CERCAM: variants seen among roughly 807,000 people sequenced by gnomAD.
The protein encoded by CERCAM is cerebral endothelial cell adhesion molecule.
CERCAM carries 59 observed loss-of-function variants against 66.0 expected under a neutral mutation model. That is an observed-to-expected ratio of 0.89 (90% CI 0.73 to 1.11). CERCAM has a LOEUF of 1.11. Ranked by LOEUF, CERCAM falls within the 50% of genes most tolerant of loss-of-function variation. The probability of loss-of-function intolerance (pLI) is 0.00; values close to 1 mark genes in which losing one functional copy is unlikely to be tolerated. For missense variants in CERCAM, 840 were observed against 828.3 expected (o/e 1.01, Z -0.17); for synonymous variants, 318 against 343.6 (o/e 0.93, Z 0.83).
At position 128,428,640 on chromosome 9, in the gene CERCAM, C is replaced by T. The variant is rs545327830; in HGVS notation, c.887-117C>T. 1.2e-4 allele frequency: 149 copies of T among 1,229,240 alleles called. 2 individuals carry two copies. The South Asian group carries it at 1.4e-3, about 12-fold the overall frequency. The allele number at this position is 1,229,240 out of a possible 1,614,324, so 76.1% of individuals were successfully genotyped here. A position where few individuals can be genotyped will look rare whatever the true frequency, so the allele number is the denominator to read the frequency against. ...GTGGATCCTGTGATCTCTGAGGTCCCGTCCTGTGGGGTGTTCTGCCAAAGG... is the reference window on the plus strand; with the variant it reads ...GTGGATCCTGTGATCTCTGAGGTCCTGTCCTGTGGGGTGTTCTGCCAAAGG... On this transcript the variant is annotated intron_variant, in intron 6 of 12. Transcript: ENST00000372838.
Position 128,434,734 on chromosome 9 carries a change from C to T in CERCAM, c.1535+121C>T. The T allele has an allele frequency of 2.1e-6, 2 of 954,322 alleles. No homozygotes were observed. Among genetic ancestry groups the T allele is most frequent in the Non-Finnish European group, 3.1e-6 (2 of 644,952 alleles). The allele number at this position is 954,322 out of a possible 1,614,324, so 59.1% of individuals were successfully genotyped here. ...GGAGACTGGGACTGGCAAGGCCAAG[C>T]CACTTGGCCCAGGTCACCAAGGAGT... On this transcript the variant is annotated intron_variant, in intron 11 of 12. Coordinates refer to ENST00000372838, the MANE Select transcript of CERCAM (RefSeq NM_016174.5). This position sits in a 1 kb window ranked among gnomAD's most constrained non-coding sequence, Gnocchi z 4.5.
rs1042392790 is a variant in CERCAM, at chr9:128,434,537, C to G, written c.1459C>G (p.Leu487Val). Residue 487 changes from leucine (L) to valine (V), a missense_variant, in exon 11 of 13, where the codon CTG becomes GTG. Leu to Val is a conservative substitution (Grantham distance 32, BLOSUM62 1). Coordinates refer to ENST00000372838, the MANE Select transcript of CERCAM (RefSeq NM_016174.5). This position sits in a 1 kb window ranked among gnomAD's most constrained non-coding sequence, Gnocchi z 4.5. ...CCTGCGTCTGGCGGGTGCCCGCAAG[C>G]TGCTGGCCTCACAGCCTCTGCGCCG... is the stretch of plus-strand genomic sequence containing the variant. The part of the protein sequence containing the change: ...YALRLAGARK[L>V]LASQPLRRML... The G allele has an allele frequency of 3.1e-6, 5 of 1,612,476 alleles. No homozygotes were observed. Among genetic ancestry groups the G allele is most frequent in the Non-Finnish European group, 4.2e-6 (5 of 1,179,984 alleles).
At chr9:128,425,469 C>T (rs971928573) in intron 5 of CERCAM, among the ~76,000 whole-genome samples, 7 of 151,388 alleles carry the variant, frequency 4.6e-5, no homozygotes, top group East Asian at 1.9e-4. Context: ...CTCAGGAGTT[C>T]GAGACCAGCC....
At position 128,421,012 on chromosome 9, in the gene CERCAM, G is replaced by A. The variant is rs1267194152; in HGVS notation, c.135G>A (p.Ser45=). 3 of 1,456,408 alleles carry A rather than the reference G, an allele frequency of 2.1e-6. No individual in the cohort carries two copies. The highest frequency in any genetic ancestry group is 2.7e-6 in the Non-Finnish European group (3 of 1,103,610). The allele number at this position is 1,456,408 out of a possible 1,614,324, so 90.2% of individuals were successfully genotyped here. The change falls in exon 1 of 13, where the codon TCG becomes TCA. Residue 45 remains serine, a synonymous_variant. Transcript: ENST00000372838. ...TCCTGGCCCGCAATGCCGAACACTC[G>A]CTGCCCCACTACCTGGGCGCTCTGG... The part of the protein sequence containing the change: ...LAILARNAEH[S]LPHYLGALER...
At chr9:128,433,976 G>A in intron 9 of CERCAM, 126 bp from the exon 10 acceptor site, 2 of 1,308,958 alleles carry the variant, frequency 1.5e-6, no homozygotes, top group Non-Finnish European at 2.1e-6. Flanking sequence ...CCCCCAGCAG[G>A]CTTTGGGGCA....
rs1279307328 is a variant in CERCAM, at chr9:128,429,007, T to C, written c.1041T>C (p.Ser347=). 3.1e-6 allele frequency: 5 copies of C among 1,610,390 alleles called. No homozygotes were observed. The highest frequency in any genetic ancestry group is 1.1e-5 in the South Asian group (1 of 90,622). The change falls in exon 8 of 13, where the codon TCT becomes TCC. Residue 347 remains serine, a synonymous_variant. Transcript: ENST00000372838. ...CCTCGCTCTGGGAGATGGAGATCTC[T>C]GGGAGGGTGGTGGACGCTGTGGATG... ...MLASLWEMEI[S]GRVVDAVDGW... is the part of the protein sequence containing the mutation.
intron 3 of CERCAM, among the ~76,000 whole-genome samples, chr9:128,423,494 G>A (rs1164071634): frequency 1.3e-5 from 2 of 151,980 alleles, no homozygotes; most frequent in Admixed American, 1.3e-4. Flanking sequence ...GCAGGCGCCT[G>A]TAATTCCAGC....
chr9:128,430,347 A>AGCC (rs1833946472), intron 8 of CERCAM, among the ~76,000 whole-genome samples: 1 of 152,132 alleles, frequency 6.6e-6, no homozygotes. Context: ...GGTTGCAGTG[A>AGCC]GCCGAGATTG....
At chr9:128,421,299 C>A (rs2131323943) in intron 1 of CERCAM, 8 of 1,227,160 alleles carry the variant, frequency 6.5e-6, no homozygotes, top group South Asian at 4.2e-5. Flanking sequence ...GGACACCCAC[C>A]CCTCCTTCTG....
At chr9:128,421,369 T>C in intron 1 of CERCAM, 2 of 1,155,332 alleles carry the variant, frequency 1.7e-6, no homozygotes, top group Admixed American at 4.7e-5. Flanking sequence ...AGCCAGCCCT[T>C]TTCACCCCAG....
Position 128,436,155 on chromosome 9 carries a change from A to C in CERCAM, c.*250A>C, listed in dbSNP as rs182528783. 1.3e-3 allele frequency among the ~76,000 whole-genome samples: 192 copies of C among 150,774 alleles called. 1 individual carries two copies. The highest frequency in any genetic ancestry group is 2.4e-3 in the Non-Finnish European group (164 of 67,792). On this transcript the variant is annotated intron_variant, in intron 12 of 12. Transcript: ENST00000372838. ...ACTGCAACCTCTGCCTCTCGGGCTC[A>C]AGAGATTCTCCTGCCTCAGCCTCCC...
At chr9:128,429,338 G>A (rs1434688659) in intron 8 of CERCAM, among the ~76,000 whole-genome samples, 2 of 152,120 alleles carry the variant, frequency 1.3e-5, no homozygotes, top group Non-Finnish European at 2.9e-5. Flanking sequence ...CTCTCAGCCC[G>A]TTTGTATAAA....
Position 128,434,254 on chromosome 9 carries a change from C to G in CERCAM, c.1331+25C>G. On this transcript the variant is annotated intron_variant, in intron 10 of 12. Coordinates refer to ENST00000372838, the MANE Select transcript of CERCAM (RefSeq NM_016174.5). The surrounding 1 kb of genome is among the most constrained non-coding windows in gnomAD (Gnocchi z 4.5). ...TGTAGGCAGCCTGCACCCTCAGGGA[C>G]AAGGGGGCAGGGTGGGCCTCCGGAG... 1 of 1,613,318 alleles carries G rather than the reference C, an allele frequency of 6.2e-7. No homozygotes were observed. The highest frequency in any genetic ancestry group is 8.5e-7 in the Non-Finnish European group (1 of 1,179,562).
rs752201881 is a variant in CERCAM, at chr9:128,424,563, A to G, written c.715A>G (p.Thr239Ala). Residue 239 changes from threonine to alanine, a missense_variant, in exon 5 of 13, where the codon ACT (threonine) becomes GCT (alanine). Coordinates refer to ENST00000372838, the MANE Select transcript of CERCAM (RefSeq NM_016174.5). ...TTTCTACCCGCCACATCCCAACTACACTTGGCCTTTCGACGACATCATCGT... is the reference window on the plus strand; with the variant it reads ...TTTCTACCCGCCACATCCCAACTACGCTTGGCCTTTCGACGACATCATCGT... ...LAFYPPHPNY[T>A]WPFDDIIVFA... 1.9e-6 allele frequency: 3 copies of G among 1,613,992 alleles called. No individual in the cohort carries two copies. Among genetic ancestry groups the G allele is most frequent in the South Asian group, 2.2e-5 (2 of 91,074 alleles).
At chr9:128,425,049 TTTGTTGTTG>T (rs767922006) in intron 5 of CERCAM, among the ~76,000 whole-genome samples, 1 of 141,574 alleles carries the variant, frequency 7.1e-6, no homozygotes, top group Non-Finnish European at 1.5e-5. Flanking sequence ...TGAAAGGTTT[TTTGTTGTTG>T]TTGTTGTTGT....
chr9:128,436,046 G>C, intron 12 of CERCAM, 141 bp downstream of exon 12: 1 of 981,630 alleles, frequency 1.0e-6, no homozygotes, highest in Non-Finnish European at 1.5e-6. Flanking sequence ...CTTTATGTTT[G>C]TTGTTGTTGT....
At chr9:128,421,368 T>C (rs7041904) in intron 1 of CERCAM, 13,901 of 1,155,142 alleles carry the variant, frequency 0.012, 406 homozygotes, top group African/African-American at 0.1. Flanking sequence ...CAGCCAGCCC[T>C]TTTCACCCCA....
At chr9:128,422,278 C>T (rs1481572826) in intron 1 of CERCAM, 1 of 152,680 alleles carries the variant, frequency 6.5e-6, no homozygotes, top group East Asian at 1.9e-4. Flanking sequence ...TTTCAAAATG[C>T]ATTCGTTGGC....
At chr9:128,423,085 C>T in intron 2 of CERCAM, 61 bp from the exon 3 acceptor site, 1 of 1,610,042 alleles carries the variant, frequency 6.2e-7, no homozygotes, top group Non-Finnish European at 8.5e-7. Flanking sequence ...GCTCTGTCCA[C>T]TGCCCTGCAG....
Sources: gnomAD v4.1 joint callset for allele counts (sites outside exome capture counted in the v4.1 genomes callset) on GRCh38, gnomAD v4.1.1 for gene constraint, Gnocchi (gnomAD v3.1) non-coding constraint, MANE v1.5 for transcripts, NCBI Gene and HGNC (gene_info 2026-07-23, HGNC 2026-07-21) for gene names.